ADAMTS19: variants seen among roughly 807,000 people sequenced by gnomAD.
The protein encoded by ADAMTS19 is ADAM metallopeptidase with thrombospondin type 1 motif 19, also known as A disintegrin and metalloproteinase with thrombospondin motifs 19.
A neutral mutation model predicts 153.3 loss-of-function variants in ADAMTS19; 93 were observed. The observed-to-expected ratio is 0.61, with a 90% CI of 0.51 to 0.72. The LOEUF is 0.72. Ranked by LOEUF, ADAMTS19 falls within the 30% of genes least tolerant of loss-of-function variation. The pLI, the probability that ADAMTS19 is intolerant of heterozygous loss-of-function variation, is 0.00. For missense variants in ADAMTS19, 1,482 were observed against 1,552.1 expected, an observed-to-expected ratio of 0.95 and a Z score of 0.76; for synonymous variants, 600 against 556.6, an observed-to-expected ratio of 1.08 and a Z score of -1.10.
intron 8 of ADAMTS19, among the ~76,000 whole-genome samples, chr5:129,607,197 A>C (rs1306974514): frequency 3.3e-5 from 5 of 152,150 alleles, no homozygotes; most frequent in African/African-American, 1.2e-4. Context: ...GATTACAGGC[A>C]TGAGCCACCA....
intron 18 of ADAMTS19, among the ~76,000 whole-genome samples, chr5:129,690,725 T>TA (rs1171572246): frequency 6.6e-6 from 1 of 152,078 alleles, no homozygotes; most frequent in East Asian, 1.9e-4. Context: ...CAGAGAAAAG[T>TA]CCTTCATCCT....
chr5:129,535,027 C>A (rs1472012399), intron 6 of ADAMTS19, among the ~76,000 whole-genome samples: 1 of 152,162 alleles, frequency 6.6e-6, no homozygotes, highest in Non-Finnish European at 1.5e-5. Flanking sequence ...CCTCTCTCAC[C>A]ACTCCTATTC....
In ADAMTS19 at chr5:129,626,412, A is replaced by AT. The variant is rs200085447; in HGVS notation, c.1770+4070dup. ...ATTTCCCAATAACCTACCTGCACAG[A>AT]TTTTTTCCTTGATCTCTGAAAATAT... On this transcript the variant is annotated intron_variant, in intron 10 of 22. Coordinates refer to ENST00000274487, the MANE Select transcript of ADAMTS19 (RefSeq NM_133638.6). Among the ~76,000 whole-genome samples, 478 of 152,144 alleles carry AT rather than the reference A, an allele frequency of 3.1e-3. 2 individuals are homozygous for AT. The highest frequency in any genetic ancestry group is 0.014 in the Middle Eastern group (4 of 294).
intron 10 of ADAMTS19, among the ~76,000 whole-genome samples, chr5:129,625,360 G>C (rs775542406): frequency 1.3e-5 from 2 of 152,128 alleles, no homozygotes; most frequent in Non-Finnish European, 2.9e-5. Flanking sequence ...CCAGTAATGG[G>C]ATCACTGTGT....
chr5:129,520,482 ATCT>A (rs1023448063), intron 3 of ADAMTS19, among the ~76,000 whole-genome samples: 4 of 152,198 alleles, frequency 2.6e-5, no homozygotes, highest in Admixed American at 2.6e-4. Context: ...GGAAGACACA[ATCT>A]TCTTTGTGAA....
At position 129,738,370 on chromosome 5, in the gene ADAMTS19, C is replaced by CA. The variant is rs1373705743; in HGVS notation, c.*1153dup. 1 of 151,870 alleles carries CA rather than the reference C, an allele frequency of 6.6e-6. No individual in the cohort carries two copies. Among genetic ancestry groups the CA allele is most frequent in the Non-Finnish European group, 1.5e-5 (1 of 67,960 alleles). The allele number at this position is 151,870 out of a possible 1,614,324, so 9.4% of individuals were successfully genotyped here. A position where few individuals can be genotyped will look rare whatever the true frequency, so the allele number is the denominator to read the frequency against. On this transcript the variant is annotated 3_prime_UTR_variant, in exon 23 of 23. Coordinates refer to ENST00000274487, the MANE Select transcript of ADAMTS19 (RefSeq NM_133638.6). ...ATTCTTCATAGACTTGTCACATATC[C>CA]ACATGTCTGATGAACAAAGGTACTG... is the stretch of plus-strand genomic sequence containing the variant.
At chr5:129,593,610 G>A (rs1021444696) in intron 7 of ADAMTS19, among the ~76,000 whole-genome samples, 1 of 151,938 alleles carries the variant, frequency 6.6e-6, no homozygotes, top group African/African-American at 2.4e-5. Flanking sequence ...ATTCCCCATA[G>A]ATCCCTGTAA....
chr5:129,737,229 G>C lies in ADAMTS19; in HGVS notation c.*11G>C, dbSNP rs773497787. ...CAGCAGAAGAGTTGACCTCTAGCAG[G>C]CTGGCTGGATCACAGCTCTTGGCAA... On this transcript the variant is annotated 3_prime_UTR_variant, in exon 23 of 23. Transcript: ENST00000274487. The C allele has an allele frequency of 1.9e-6, 3 of 1,583,380 alleles. No individual in the cohort carries two copies. The highest frequency in any genetic ancestry group is 2.6e-6 in the Non-Finnish European group (3 of 1,159,696).
chr5:129,546,727 G>A (rs547588153), intron 6 of ADAMTS19, among the ~76,000 whole-genome samples: 1 of 151,270 alleles, frequency 6.6e-6, no homozygotes, highest in East Asian at 1.9e-4. Flanking sequence ...CTCATTGGAA[G>A]AGATGCTGAA....
chr5:129,502,496 G>A (rs995175098), intron 2 of ADAMTS19, among the ~76,000 whole-genome samples: 2 of 152,194 alleles, frequency 1.3e-5, no homozygotes, highest in Admixed American at 6.6e-5. Context: ...TAAAACTCCT[G>A]TAATGCTCAG....
intron 2 of ADAMTS19, among the ~76,000 whole-genome samples, chr5:129,465,986 C>T (rs965478942): frequency 8.5e-5 from 13 of 152,158 alleles, no homozygotes; most frequent in African/African-American, 2.9e-4. Context: ...CCAGAAGTGC[C>T]GCTGTACATG....
intron 16 of ADAMTS19, among the ~76,000 whole-genome samples, chr5:129,675,126 CTT>C (rs979720659): frequency 1.3e-5 from 2 of 152,168 alleles, no homozygotes; most frequent in East Asian, 1.9e-4. Flanking sequence ...ATTGTTAAAT[CTT>C]TTACCCCTGT....
At chr5:129,657,602 G>A (rs1264889793) in intron 14 of ADAMTS19, among the ~76,000 whole-genome samples, 1 of 152,028 alleles carries the variant, frequency 6.6e-6, no homozygotes, top group Non-Finnish European at 1.5e-5. Context: ...TTCTTCTGGG[G>A]GCTTATAAAA....
chr5:129,737,179 C>T lies in ADAMTS19; in HGVS notation c.3603C>T (p.Cys1201=), dbSNP rs1475794060. ...GGTATCAGCGCTGCTGTGAAACATG[C>T]AGGGACTTCTATGCCCAAAAGCTGC... ...MRWYQRCCET[C]RDFYAQKLQQ... Residue 1201 remains cysteine, a synonymous_variant, in exon 23 of 23, where the codon TGC becomes TGT. Transcript: ENST00000274487. The T allele has an allele frequency of 1.2e-6, 2 of 1,609,024 alleles. No homozygotes were observed. The highest frequency in any genetic ancestry group is 1.7e-6 in the Non-Finnish European group (2 of 1,176,780).
intron 8 of ADAMTS19, among the ~76,000 whole-genome samples, chr5:129,610,868 G>A (rs1751177374): frequency 6.6e-6 from 1 of 152,198 alleles, no homozygotes; most frequent in Admixed American, 6.5e-5. Flanking sequence ...TCGCCACACT[G>A]TCTTCCACAA....
chr5:129,698,851 G>T (rs116669121), intron 19 of ADAMTS19, among the ~76,000 whole-genome samples: 2 of 152,292 alleles, frequency 1.3e-5, no homozygotes, highest in Non-Finnish European at 2.9e-5. Context: ...TGCACTTTAG[G>T]AGAAATCCAC....
At chr5:129,670,505 A>G (rs973733683) in intron 16 of ADAMTS19, among the ~76,000 whole-genome samples, 1 of 152,122 alleles carries the variant, frequency 6.6e-6, no homozygotes. Flanking sequence ...GCCCAAGGTT[A>G]CACATCTAAG....
intron 3 of ADAMTS19, among the ~76,000 whole-genome samples, chr5:129,519,648 GAA>G (rs60640527): frequency 4.9e-4 from 71 of 144,660 alleles, no homozygotes; most frequent in Admixed American, 7.6e-4. Context: ...CATTTTATAG[GAA>G]AAAAAAAAAA....
At chr5:129,526,568 CTT>C (rs764108573) in intron 4 of ADAMTS19, 112 bp downstream of exon 4, 207 of 1,035,550 alleles carry the variant, frequency 2.0e-4, no homozygotes, top group Non-Finnish European at 5.2e-5. Flanking sequence ...ATTCCTTTCT[CTT>C]ATTGTCATCA....
Sources: gnomAD v4.1 joint callset for allele counts (sites outside exome capture counted in the v4.1 genomes callset) on GRCh38, gnomAD v4.1.1 for gene constraint, MANE v1.5 for transcripts, NCBI Gene and HGNC (gene_info 2026-07-23, HGNC 2026-07-21) for gene names.